The following FGF1 variants were observed in gnomAD, a reference collection of about 807,000 sequenced individuals.
FGF1 encodes fibroblast growth factor 1.
A neutral mutation model predicts 13.4 loss-of-function variants in FGF1; 9 were observed. The ratio of observed to expected loss-of-function variants is 0.67; its 90% CI spans 0.40 to 1.17. FGF1 has a LOEUF of 1.17. Among genes scored for constraint, FGF1 ranks in the 50% most tolerant of loss-of-function variants. The probability of loss-of-function intolerance (pLI) is 0.01; values close to 1 mark genes in which losing one functional copy is unlikely to be tolerated. For synonymous variants in FGF1, 93 were observed against 79.0 expected, an observed-to-expected ratio of 1.18 and a Z score of -0.94; for missense variants, 156 against 192.7, an observed-to-expected ratio of 0.81 and a Z score of 1.13.
intron 1 of FGF1, among the ~76,000 whole-genome samples, chr5:142,637,865 C>T (rs1251880755): frequency 6.6e-6 from 1 of 151,962 alleles, no homozygotes; most frequent in African/African-American, 2.4e-5. Flanking sequence ...GGTTTAAGGG[C>T]AGGACAGAGC....
At chr5:142,649,768 T>C (rs1766876628) in intron 1 of FGF1, among the ~76,000 whole-genome samples, 1 of 152,198 alleles carries the variant, frequency 6.6e-6, no homozygotes, top group Admixed American at 6.5e-5. Context: ...TCTTTATCCA[T>C]GGGGAGAGAT....
chr5:142,649,526 C>G (rs1180952070), intron 1 of FGF1, among the ~76,000 whole-genome samples: 3 of 152,084 alleles, frequency 2.0e-5, no homozygotes, highest in African/African-American at 7.2e-5. Context: ...CCTGCCTCAG[C>G]CTCCTGAGTA....
At chr5:142,598,802 G>A (rs1755838002) in intron 3 of FGF1, among the ~76,000 whole-genome samples, 1 of 152,158 alleles carries the variant, frequency 6.6e-6, no homozygotes, top group Non-Finnish European at 1.5e-5. Flanking sequence ...TGATGGCCAC[G>A]GCTATGGTGG....
intron 2 of FGF1, among the ~76,000 whole-genome samples, chr5:142,606,520 G>A (rs1164317777): frequency 1.3e-5 from 2 of 152,070 alleles, no homozygotes; most frequent in African/African-American, 4.8e-5. Context: ...CTACTCGGGA[G>A]GCTGAGGCGA....
chr5:142,685,496 C>T (rs2152060492), intron 1 of FGF1: 1 of 152,372 alleles, frequency 6.6e-6, no homozygotes, highest in African/African-American at 2.4e-5. Context: ...TAGCCACACT[C>T]ACCACAGCCA....
rs758882195 is a variant in FGF1, at chr5:142,614,124, C to T, written c.4G>A (p.Ala2Thr). ...GTGAAGGTGGTGATTTCCCCTTCAG[C>T]CATGGCTCAGCAGCTGCTGCTTGTG... M[A>T]EGEITTFTAL... The change falls in exon 2 of 4, where the codon GCT becomes ACT. Residue 2 changes from alanine (A) to threonine (T), a missense_variant. Ala to Thr is a moderately conservative substitution (Grantham distance 58). Coordinates refer to ENST00000337706, the MANE Select transcript of FGF1 (RefSeq NM_000800.5). 6.2e-7 allele frequency: 1 copy of T among 1,614,080 alleles called. No individual in the cohort carries two copies. The highest frequency in any genetic ancestry group is 1.1e-5 in the South Asian group (1 of 91,068).
intron 1 of FGF1, among the ~76,000 whole-genome samples, chr5:142,674,109 T>C (rs958611719): frequency 3.3e-5 from 5 of 152,218 alleles, no homozygotes; most frequent in Non-Finnish European, 7.3e-5. Context: ...ACCACTTCTA[T>C]GTCACCTGCT....
chr5:142,697,324 C>T (rs1047634824), intron 2 of FGF1, among the ~76,000 whole-genome samples: 1 of 152,174 alleles, frequency 6.6e-6, no homozygotes, highest in South Asian at 2.1e-4. Context: ...TCCTGGTAAA[C>T]GTCTTCTTGG....
At chr5:142,630,842 A>G (rs1015632541) in intron 1 of FGF1, among the ~76,000 whole-genome samples, 5 of 152,174 alleles carry the variant, frequency 3.3e-5, no homozygotes, top group African/African-American at 4.8e-5. Flanking sequence ...CTCTACCTCC[A>G]TGATTCTCTT....
intron 1 of FGF1, among the ~76,000 whole-genome samples, chr5:142,682,724 A>C (rs1401136228): frequency 6.6e-6 from 1 of 152,232 alleles, no homozygotes; most frequent in African/African-American, 2.4e-5. Flanking sequence ...TGTTTTAAGC[A>C]GTTAGCATTG....
intron 1 of FGF1, among the ~76,000 whole-genome samples, chr5:142,667,403 G>A (rs1212242638): frequency 1.3e-5 from 2 of 151,900 alleles, no homozygotes; most frequent in African/African-American, 2.4e-5. Context: ...TGGCTAACTC[G>A]GTGAAACCCC....
At chr5:142,691,793 T>G (rs1216970566) in intron 2 of FGF1, among the ~76,000 whole-genome samples, 2 of 152,346 alleles carry the variant, frequency 1.3e-5, no homozygotes, top group East Asian at 3.9e-4. Flanking sequence ...CTACCAGTCT[T>G]GACGATGCCT....
chr5:142,678,533 C>G (rs1184871634), intron 1 of FGF1, among the ~76,000 whole-genome samples: 1 of 152,294 alleles, frequency 6.6e-6, no homozygotes, highest in Admixed American at 6.5e-5. Context: ...GCTTCGGGTA[C>G]TCTGCACTCC....
At chr5:142,672,668 C>T (rs971871876) in intron 1 of FGF1, among the ~76,000 whole-genome samples, 1 of 152,036 alleles carries the variant, frequency 6.6e-6, no homozygotes, top group Non-Finnish European at 1.5e-5. Context: ...CCATGCCTGG[C>T]TAATTTTTGT....
chr5:142,690,986 C>G (rs1161409856), upstream of FGF1, among the ~76,000 whole-genome samples: 2 of 152,176 alleles, frequency 1.3e-5, no homozygotes, highest in Non-Finnish European at 2.9e-5. Flanking sequence ...CTGGCTCTTT[C>G]CTGTTATTCT....
intron 1 of FGF1, chr5:142,679,880 G>C (rs1773393214): frequency 1.3e-5 from 2 of 152,232 alleles, no homozygotes; most frequent in African/African-American, 4.8e-5. Context: ...AGCACCATAG[G>C]CTGGGTGGCT....
chr5:142,609,492 G>T (rs531774610), intron 2 of FGF1, among the ~76,000 whole-genome samples: 3 of 152,190 alleles, frequency 2.0e-5, no homozygotes, highest in Non-Finnish European at 4.4e-5. Flanking sequence ...CAATCACAGA[G>T]CAGACTTGCC....
intron 1 of FGF1, among the ~76,000 whole-genome samples, chr5:142,651,829 ATT>A (rs776252481): frequency 0.021 from 2,963 of 139,802 alleles, 33 homozygotes; most frequent in African/African-American, 0.045. Context: ...TTGGTAGCTC[ATT>A]TTTTTTTTTT....
At chr5:142,661,675 C>T (rs1769243991) in intron 1 of FGF1, among the ~76,000 whole-genome samples, 3 of 152,030 alleles carry the variant, frequency 2.0e-5, no homozygotes, top group Admixed American at 1.3e-4. Flanking sequence ...TGTGGATGAA[C>T]CTTGAACACA....
Sources: allele counts gnomAD v4.1 joint callset (sites outside exome capture counted in the v4.1 genomes callset), GRCh38; gene constraint gnomAD v4.1.1; transcripts MANE v1.5; gene names NCBI Gene and HGNC (gene_info 2026-07-23, HGNC 2026-07-21).